Variants in CCSER1 observed in about 807,000 individuals in gnomAD.
CCSER1 encodes serine-rich coiled-coil domain-containing protein 1.
Under a neutral mutation model 82.0 loss-of-function variants are expected in CCSER1, and 41 were observed. That is an observed-to-expected ratio of 0.50 (90% CI 0.39 to 0.65). CCSER1 has a LOEUF of 0.65. CCSER1 is among the 30% of genes least tolerant of loss of function. The probability of loss-of-function intolerance (pLI) is 0.00; values close to 1 mark genes in which losing one functional copy is unlikely to be tolerated. For synonymous variants in CCSER1, 414 were observed against 383.9 expected (o/e 1.08, Z -0.92); for missense variants, 1,119 against 1,064.2 (o/e 1.05, Z -0.72).
intron 5 of CCSER1, among the ~76,000 whole-genome samples, chr4:90,542,306 G>T (rs1347606145): frequency 1.3e-5 from 2 of 152,088 alleles, no homozygotes; most frequent in Non-Finnish European, 2.9e-5. Context: ...TGGACTGTCA[G>T]ATCCCATTAG....
chr4:91,425,343 C>G (rs1237611193), intron 10 of CCSER1, among the ~76,000 whole-genome samples: 1 of 152,084 alleles, frequency 6.6e-6, no homozygotes, highest in Non-Finnish European at 1.5e-5. Flanking sequence ...TCATTCCCAT[C>G]AGAATGTCAT....
chr4:90,446,857 A>G (rs970513766), intron 4 of CCSER1, among the ~76,000 whole-genome samples: 1 of 152,154 alleles, frequency 6.6e-6, no homozygotes, highest in Admixed American at 6.6e-5. Flanking sequence ...TAATGTGAAG[A>G]TGACGAGGAT....
intron 8 of CCSER1, among the ~76,000 whole-genome samples, chr4:90,885,089 C>T (rs996257187): frequency 7.2e-5 from 11 of 152,194 alleles, no homozygotes; most frequent in African/African-American, 2.6e-4. Context: ...AATGTTGTAC[C>T]TCTTAGGTGA....
At chr4:90,367,684 A>C (rs544046355) in intron 3 of CCSER1, among the ~76,000 whole-genome samples, 54 of 152,018 alleles carry the variant, frequency 3.6e-4, no homozygotes, top group African/African-American at 8.2e-4. Context: ...TAAGTAATTA[A>C]ATATAAGAAC....
At chr4:90,298,330 G>A (rs1367535195) in intron 1 of CCSER1, among the ~76,000 whole-genome samples, 4 of 151,956 alleles carry the variant, frequency 2.6e-5, no homozygotes, top group East Asian at 3.9e-4. Flanking sequence ...CTGTGGGATC[G>A]GTGGTGATAT....
intron 10 of CCSER1, among the ~76,000 whole-genome samples, chr4:91,567,256 T>G (rs953378619): frequency 1.3e-5 from 2 of 152,128 alleles, no homozygotes; most frequent in Non-Finnish European, 2.9e-5. Context: ...ATGTTTGGTG[T>G]GATTACATTT....
chr4:91,517,242 A>G (rs1022064339), intron 10 of CCSER1, among the ~76,000 whole-genome samples: 87 of 152,070 alleles, frequency 5.7e-4, no homozygotes, highest in Non-Finnish European at 4.9e-4. Context: ...TGTTTATAGG[A>G]GTAGTGAGAG....
At chr4:90,980,072 G>A (rs1043375613) in intron 9 of CCSER1, among the ~76,000 whole-genome samples, 6 of 151,856 alleles carry the variant, frequency 4.0e-5, no homozygotes, top group African/African-American at 1.4e-4. Flanking sequence ...AATAATCAGG[G>A]TGGATGCTAT....
At chr4:91,567,153 A>G (rs930937229) in intron 10 of CCSER1, among the ~76,000 whole-genome samples, 10 of 152,158 alleles carry the variant, frequency 6.6e-5, no homozygotes, top group Admixed American at 2.6e-4. Context: ...AAAGTCATTC[A>G]GGAGCATGTT....
At chr4:91,119,916 G>A (rs183549432) in intron 10 of CCSER1, among the ~76,000 whole-genome samples, 3 of 151,928 alleles carry the variant, frequency 2.0e-5, no homozygotes, top group Admixed American at 2.0e-4. Context: ...CCATGGATGG[G>A]GACAGTTTGG....
intron 7 of CCSER1, among the ~76,000 whole-genome samples, chr4:90,765,021 T>C (rs1024662520): frequency 1.6e-4 from 25 of 152,046 alleles, no homozygotes; most frequent in Non-Finnish European, 5.9e-5. Context: ...TTTTCCCCAA[T>C]GAAAAGTAGA....
intron 10 of CCSER1, among the ~76,000 whole-genome samples, chr4:91,095,019 G>T (rs1724360581): frequency 6.6e-6 from 1 of 152,162 alleles, no homozygotes; most frequent in East Asian, 1.9e-4. Flanking sequence ...GCTTGGCGGA[G>T]ACTCCCGTTG....
intron 9 of CCSER1, among the ~76,000 whole-genome samples, chr4:91,079,256 T>TG (rs201548422): frequency 0.021 from 3,211 of 151,720 alleles, 141 homozygotes; most frequent in African/African-American, 0.074. Flanking sequence ...CAGAAGAGAG[T>TG]GGGGGTCAAT....
intron 3 of CCSER1, among the ~76,000 whole-genome samples, chr4:90,378,397 GT>G (rs1171750421): frequency 6.6e-6 from 1 of 152,164 alleles, no homozygotes. Context: ...CTTTAAGAGG[GT>G]AAGTGACCCA....
At chr4:91,029,787 A>G (rs939549898) in intron 9 of CCSER1, among the ~76,000 whole-genome samples, 1 of 152,002 alleles carries the variant, frequency 6.6e-6, no homozygotes, top group African/African-American at 2.4e-5. Flanking sequence ...AAATCAATTA[A>G]TATATATATA....
chr4:91,558,792 C>T (rs1198705455), intron 10 of CCSER1, among the ~76,000 whole-genome samples: 1 of 151,558 alleles, frequency 6.6e-6, no homozygotes, highest in Admixed American at 6.6e-5. Flanking sequence ...CAATTACATC[C>T]CCCTGGGTCC....
At chr4:91,550,537 G>C (rs6818841) in intron 10 of CCSER1, among the ~76,000 whole-genome samples, 64,464 of 152,052 alleles carry the variant, frequency 0.42, 13,993 homozygotes, top group East Asian at 0.58. Flanking sequence ...AAGAAGAGTT[G>C]TTGATTTGTT....
At chr4:91,336,408 T>G (rs1451375041) in intron 10 of CCSER1, among the ~76,000 whole-genome samples, 1 of 152,156 alleles carries the variant, frequency 6.6e-6, no homozygotes, top group Admixed American at 6.6e-5. Flanking sequence ...TAAGACTTAA[T>G]TATTAATTCA....
intron 1 of CCSER1, among the ~76,000 whole-genome samples, chr4:90,183,387 G>A (rs1429710965): frequency 6.6e-6 from 1 of 152,036 alleles, no homozygotes; most frequent in Non-Finnish European, 1.5e-5. Flanking sequence ...GTCTATAATG[G>A]TTTATTTGCA....
Sources: gnomAD v4.1 joint callset for allele counts (sites outside exome capture counted in the v4.1 genomes callset) on GRCh38, gnomAD v4.1.1 for gene constraint, MANE v1.5 for transcripts, NCBI Gene and HGNC (gene_info 2026-07-23, HGNC 2026-07-21) for gene names.